The following CDH10 variants were observed in gnomAD, a reference collection of about 807,000 sequenced individuals.
The protein encoded by CDH10 is cadherin 10.
In CDH10, 30 loss-of-function variants were observed where a neutral mutation model predicts 73.1. That is an observed-to-expected ratio of 0.41 (90% CI 0.31 to 0.56). CDH10 has a LOEUF of 0.56. Among genes scored for constraint, CDH10 ranks in the 20% least tolerant of loss-of-function variants. The pLI, the probability that CDH10 is intolerant of heterozygous loss-of-function variation, is 0.27. For synonymous variants in CDH10, 345 were observed against 348.2 expected (o/e 0.99, Z 0.10); for missense variants, 815 against 973.7 (o/e 0.84, Z 2.17).
intron 2 of CDH10, among the ~76,000 whole-genome samples, chr5:24,588,493 T>G (rs1316918768): frequency 2.6e-5 from 4 of 152,202 alleles, no homozygotes; most frequent in Non-Finnish European, 5.9e-5. Flanking sequence ...TTCTACATAC[T>G]GAACTCTCAT....
chr5:24,551,853 C>G (rs567354539), intron 2 of CDH10, among the ~76,000 whole-genome samples: 56 of 152,106 alleles, frequency 3.7e-4, no homozygotes, highest in Middle Eastern at 3.2e-3. Context: ...AGCTTTACAA[C>G]TATTACTGAT....
At chr5:24,512,984 TGCTTTCTC>T (rs1579741822) in intron 5 of CDH10, among the ~76,000 whole-genome samples, 1 of 145,148 alleles carries the variant, frequency 6.9e-6, no homozygotes, top group East Asian at 2.1e-4. Flanking sequence ...TATTTCTTCT[TGCTTTCTC>T]TCTTTCTTTT....
At chr5:24,643,301 T>C (rs1371183481) in intron 1 of CDH10, among the ~76,000 whole-genome samples, 3 of 152,076 alleles carry the variant, frequency 2.0e-5, no homozygotes, top group South Asian at 2.1e-4. Context: ...GTCAATGACA[T>C]AATGTTTTCA....
chr5:24,507,711 A>T (rs1338605255), intron 7 of CDH10, among the ~76,000 whole-genome samples: 1 of 152,074 alleles, frequency 6.6e-6, no homozygotes, highest in African/African-American at 2.4e-5. Context: ...CTTGGTAAAT[A>T]TTTAATGAAG....
At chr5:24,549,734 T>G (rs1224370065) in intron 2 of CDH10, among the ~76,000 whole-genome samples, 1 of 151,976 alleles carries the variant, frequency 6.6e-6, no homozygotes, top group Non-Finnish European at 1.5e-5. Context: ...GTGTTTTTAG[T>G]AGAGACGAGG....
At chr5:24,600,213 A>T (rs1746512134) in intron 1 of CDH10, among the ~76,000 whole-genome samples, 1 of 152,160 alleles carries the variant, frequency 6.6e-6, no homozygotes, top group Admixed American at 6.5e-5. Flanking sequence ...AATCCGAAAC[A>T]TGTTATTAGT....
At chr5:24,536,016 T>C (rs959621183) in intron 3 of CDH10, among the ~76,000 whole-genome samples, 194 bp from the exon 4 acceptor site, 1 of 152,122 alleles carries the variant, frequency 6.6e-6, no homozygotes, top group African/African-American at 2.4e-5. Flanking sequence ...ACATAATATT[T>C]ATTTAGTCAA....
chr5:24,641,527 T>C (rs1279913323), intron 1 of CDH10, among the ~76,000 whole-genome samples: 1 of 152,094 alleles, frequency 6.6e-6, no homozygotes, highest in African/African-American at 2.4e-5. Flanking sequence ...CAAAACAATA[T>C]ATTTTTGTGA....
chr5:24,586,011 T>G (rs948131880), intron 2 of CDH10, among the ~76,000 whole-genome samples: 10 of 152,294 alleles, frequency 6.6e-5, no homozygotes, highest in East Asian at 1.9e-4. Flanking sequence ...GCACATTTTT[T>G]GGGGTGGTAT....
At chr5:24,489,348 T>C (rs2111621519) in intron 11 of CDH10, among the ~76,000 whole-genome samples, 1 of 152,264 alleles carries the variant, frequency 6.6e-6, no homozygotes, top group East Asian at 1.9e-4. Flanking sequence ...ACTTTTTTAA[T>C]GTCATGAAAA....
At chr5:24,546,724 T>C (rs1744356554) in intron 2 of CDH10, among the ~76,000 whole-genome samples, 1 of 152,166 alleles carries the variant, frequency 6.6e-6, no homozygotes, top group Non-Finnish European at 1.5e-5. Context: ...ATTATTTTTG[T>C]AATTTTTTCT....
chr5:24,567,312 T>A (rs950404178), intron 2 of CDH10, among the ~76,000 whole-genome samples: 1 of 150,300 alleles, frequency 6.7e-6, no homozygotes, highest in Non-Finnish European at 1.5e-5. Context: ...AGTTAACACA[T>A]CCCTAGGCCA....
At chr5:24,526,466 T>C (rs1441856680) in intron 5 of CDH10, among the ~76,000 whole-genome samples, 1 of 151,908 alleles carries the variant, frequency 6.6e-6, no homozygotes, top group Non-Finnish European at 1.5e-5. Flanking sequence ...TCACATGCTG[T>C]ATTTCACTAG....
intron 2 of CDH10, among the ~76,000 whole-genome samples, chr5:24,560,988 C>A (rs997994866): frequency 5.9e-5 from 9 of 152,060 alleles, no homozygotes; most frequent in Non-Finnish European, 8.8e-5. Flanking sequence ...GGCCACTTCC[C>A]TAAGCTTCAG....
chr5:24,577,139 G>A (rs1368262731), intron 2 of CDH10, among the ~76,000 whole-genome samples: 1 of 151,642 alleles, frequency 6.6e-6, no homozygotes, highest in African/African-American at 2.4e-5. Context: ...GATACATGAT[G>A]GCTAAATGCA....
intron 2 of CDH10, among the ~76,000 whole-genome samples, chr5:24,566,687 T>C (rs922807505): frequency 7.2e-5 from 11 of 152,016 alleles, no homozygotes; most frequent in Admixed American, 7.2e-4. Flanking sequence ...TATTTATATA[T>C]TATTATGCTA....
chr5:24,630,398 A>G (rs2112193867), intron 1 of CDH10, among the ~76,000 whole-genome samples: 1 of 152,072 alleles, frequency 6.6e-6, no homozygotes, highest in African/African-American at 2.4e-5. Flanking sequence ...CTAAAGATAG[A>G]AAAAATTAGC....
intron 2 of CDH10, among the ~76,000 whole-genome samples, chr5:24,569,312 T>G (rs372511160): frequency 9.9e-5 from 15 of 152,166 alleles, no homozygotes; most frequent in Admixed American, 2.6e-4. Context: ...TTCTAGATAG[T>G]AATGATGTTT....
chr5:24,575,868 A>G (rs900937443), intron 2 of CDH10, among the ~76,000 whole-genome samples: 6 of 152,098 alleles, frequency 3.9e-5, no homozygotes, highest in Non-Finnish European at 1.5e-5. Flanking sequence ...TTTCTATTGT[A>G]TATTTTATAA....
Sources: gnomAD v4.1 joint callset for allele counts (sites outside exome capture counted in the v4.1 genomes callset) on GRCh38, gnomAD v4.1.1 for gene constraint, MANE v1.5 for transcripts, NCBI Gene and HGNC (gene_info 2026-07-23, HGNC 2026-07-21) for gene names.